The following PRORP variants were observed in gnomAD, a reference collection of about 807,000 sequenced individuals.
The protein encoded by PRORP is protein only RNase P catalytic subunit, also known as mitochondrial ribonuclease P catalytic subunit.
Under a neutral mutation model 59.4 loss-of-function variants are expected in PRORP, and 51 were observed. That is an observed-to-expected ratio of 0.86 (90% CI 0.69 to 1.08). PRORP has a LOEUF of 1.08. PRORP is among the 50% of genes least tolerant of loss of function. The probability of loss-of-function intolerance (pLI) is 0.00; values close to 1 mark genes in which losing one functional copy is unlikely to be tolerated. For synonymous variants in PRORP, 231 were observed against 245.6 expected, an observed-to-expected ratio of 0.94 and a Z score of 0.55; for missense variants, 646 against 690.3, an observed-to-expected ratio of 0.94 and a Z score of 0.72.
At chr14:35,211,511 C>T (rs1457921783) in intron 5 of PRORP, among the ~76,000 whole-genome samples, 1 of 152,150 alleles carries the variant, frequency 6.6e-6, no homozygotes, top group Admixed American at 6.6e-5. Context: ...TATACGTATA[C>T]TGCAGAGATA....
In PRORP at chr14:35,196,693, C is replaced by T. The variant is rs138813023; in HGVS notation, c.1275+15916C>T. On this transcript the variant is annotated intron_variant, in intron 5 of 7. Coordinates refer to ENST00000534898, the MANE Select transcript of PRORP (RefSeq NM_014672.4). ...GGTTTTTTTCTTACTATTCATTTTT[C>T]ATGACATGGCAACTCAGGGAAGTCA... Among the ~76,000 whole-genome samples, 129 of 152,236 alleles carry T rather than the reference C, an allele frequency of 8.5e-4. 1 individual carries two copies. The highest frequency in any genetic ancestry group is 3.0e-3 in the African/African-American group (123 of 41,538).
chr14:35,125,953 A>G (rs560429683), intron 2 of PRORP, among the ~76,000 whole-genome samples: 1 of 152,274 alleles, frequency 6.6e-6, no homozygotes, highest in African/African-American at 2.4e-5. Context: ...TAGGGAGTCA[A>G]TCAAGGCTGC....
intron 4 of PRORP, among the ~76,000 whole-genome samples, chr14:35,164,266 A>C (rs2048129087): frequency 1.3e-5 from 2 of 152,318 alleles, no homozygotes; most frequent in East Asian, 3.9e-4. Context: ...GCAACCATTT[A>C]ACTCAGGAAT....
At chr14:35,252,163 G>A (rs958771735) in intron 5 of PRORP, among the ~76,000 whole-genome samples, 7 of 152,128 alleles carry the variant, frequency 4.6e-5, no homozygotes, top group East Asian at 1.9e-4. Context: ...GGTATCTCAC[G>A]CCTGTAATCC....
intron 5 of PRORP, among the ~76,000 whole-genome samples, chr14:35,234,587 C>T (rs1043849282): frequency 9.2e-5 from 14 of 151,976 alleles, no homozygotes; most frequent in Non-Finnish European, 1.6e-4. Flanking sequence ...TTACTTCCCT[C>T]TTGGCACTTT....
At position 35,266,188 on chromosome 14, in the gene PRORP, A is replaced by T. The variant is rs527395658; in HGVS notation, c.1276-539A>T. Among the ~76,000 whole-genome samples the T allele has an allele frequency of 2.6e-5, 4 of 152,008 alleles. No homozygotes were observed. In the East Asian group the frequency reaches 7.7e-4, roughly 29 times the overall value. On this transcript the variant is annotated intron_variant, in intron 5 of 7. Coordinates refer to ENST00000534898, the MANE Select transcript of PRORP (RefSeq NM_014672.4). ...CAAAATTAGTTGGCTGTGGTGGCGCATGCCTGTAATCCCAGCTACTTGGGA... is the reference window on the plus strand; with the variant it reads ...CAAAATTAGTTGGCTGTGGTGGCGCTTGCCTGTAATCCCAGCTACTTGGGA...
intron 7 of PRORP, among the ~76,000 whole-genome samples, chr14:35,272,236 T>C (rs2138683007): frequency 6.6e-6 from 1 of 152,356 alleles, no homozygotes; most frequent in South Asian, 2.1e-4. Context: ...ATGAGCTCAA[T>C]TTAGCTATTC....
intron 4 of PRORP, 150 bp downstream of exon 4, chr14:35,127,761 A>G: frequency 4.2e-6 from 3 of 707,558 alleles, no homozygotes; most frequent in Middle Eastern, 2.6e-4. Context: ...TAGTTAAGAC[A>G]TCCATAGATA....
chr14:35,216,103 T>C (rs1000259176), intron 5 of PRORP, among the ~76,000 whole-genome samples: 1 of 137,486 alleles, frequency 7.3e-6, no homozygotes, highest in Non-Finnish European at 1.5e-5. Flanking sequence ...TACATATATG[T>C]ATATATTTAT....
At chr14:35,252,776 T>C (rs1055581701) in intron 5 of PRORP, among the ~76,000 whole-genome samples, 2 of 152,142 alleles carry the variant, frequency 1.3e-5, no homozygotes, top group African/African-American at 4.8e-5. Context: ...GATGAATGAC[T>C]TCACATCTCT....
At chr14:35,205,940 T>A (rs1595303476) in intron 5 of PRORP, among the ~76,000 whole-genome samples, 1 of 152,184 alleles carries the variant, frequency 6.6e-6, no homozygotes, top group African/African-American at 2.4e-5. Flanking sequence ...ATGTTCTCTC[T>A]AAGAAGCTTA....
At chr14:35,164,566 A>G (rs1002321367) in intron 4 of PRORP, among the ~76,000 whole-genome samples, 3 of 152,230 alleles carry the variant, frequency 2.0e-5, no homozygotes, top group African/African-American at 7.2e-5. Flanking sequence ...GTTCTTACTT[A>G]TAAATGGGAG....
intron 5 of PRORP, among the ~76,000 whole-genome samples, chr14:35,223,610 C>T (rs190978377): frequency 1.3e-5 from 2 of 152,182 alleles, no homozygotes; most frequent in East Asian, 3.9e-4. Flanking sequence ...CAGGTGCGCG[C>T]CACTGCGCCC....
intron 5 of PRORP, among the ~76,000 whole-genome samples, chr14:35,229,519 A>C (rs1343365242): frequency 1.3e-5 from 2 of 152,246 alleles, no homozygotes; most frequent in African/African-American, 2.4e-5. Context: ...ATGACTGGCC[A>C]GCTATCCCGG....
intron 5 of PRORP, among the ~76,000 whole-genome samples, chr14:35,255,371 C>G (rs1216529139): frequency 6.6e-6 from 1 of 152,094 alleles, no homozygotes; most frequent in Non-Finnish European, 1.5e-5. Context: ...CTCAAATGAT[C>G]CACCCGCCTT....
intron 5 of PRORP, among the ~76,000 whole-genome samples, chr14:35,234,290 A>G (rs900620536): frequency 1.3e-5 from 2 of 152,230 alleles, no homozygotes; most frequent in East Asian, 1.9e-4. Flanking sequence ...TTCATTAACA[A>G]TTAGGCCCAA....
At chr14:35,204,953 A>G (rs1269962325) in intron 5 of PRORP, among the ~76,000 whole-genome samples, 2 of 152,168 alleles carry the variant, frequency 1.3e-5, no homozygotes. Flanking sequence ...AATCCTCTCA[A>G]CAGTCTAATA....
chr14:35,128,257 G>A lies in PRORP; in HGVS notation c.1167+646G>A, dbSNP rs550013362. ...GATTTTTGCATCAATATTCATCAGAGATATTGGCCTGTAGTTTTTTGTTTT... is the reference window on the plus strand; with the variant it reads ...GATTTTTGCATCAATATTCATCAGAAATATTGGCCTGTAGTTTTTTGTTTT... On this transcript the variant is annotated intron_variant, in intron 4 of 7. Transcript: ENST00000534898. 1.4e-4 allele frequency among the ~76,000 whole-genome samples: 21 copies of A among 151,282 alleles called. No homozygotes were observed. In the South Asian group the frequency reaches 1.9e-3, roughly 14 times the overall value.
rs1164779727 is a variant in PRORP at position 35,266,893 on chromosome 14, T to C, written c.1424+18T>C. The C allele has an allele frequency of 1.1e-5, 18 of 1,613,576 alleles. No homozygotes were observed. The highest frequency in any genetic ancestry group is 1.5e-5 in the Non-Finnish European group (18 of 1,179,856). On this transcript the variant is annotated intron_variant, in intron 6 of 7. Coordinates refer to ENST00000534898, the MANE Select transcript of PRORP (RefSeq NM_014672.4). ...GATGACATGTAAGTGTTGGAGGTAA[T>C]AGGTGAATTATACTGTGCTGCAGAC...
Sources: gnomAD v4.1 joint callset for allele counts (sites outside exome capture counted in the v4.1 genomes callset) on GRCh38, gnomAD v4.1.1 for gene constraint, MANE v1.5 for transcripts, NCBI Gene and HGNC (gene_info 2026-07-23, HGNC 2026-07-21) for gene names.